Variants in ZSWIM4 observed in about 807,000 individuals in gnomAD.
ZSWIM4 encodes the protein zinc finger SWIM domain-containing protein 4.
Under a neutral mutation model 102.5 loss-of-function variants are expected in ZSWIM4, and 62 were observed. That is an observed-to-expected ratio of 0.60 (90% CI 0.49 to 0.75). The LOEUF (loss-of-function observed/expected upper bound fraction) is 0.75. Ranked by LOEUF, ZSWIM4 falls within the 30% of genes least tolerant of loss-of-function variation. ZSWIM4 has a pLI of 0.00. For synonymous variants in ZSWIM4, 652 were observed against 674.5 expected, an observed-to-expected ratio of 0.97 and a Z score of 0.52; for missense variants, 1,280 against 1,529.6, an observed-to-expected ratio of 0.84 and a Z score of 2.72.
chr19:13,820,896 T>G (rs979755572), intron 10 of ZSWIM4, among the ~76,000 whole-genome samples: 14 of 151,226 alleles, frequency 9.3e-5, no homozygotes, highest in African/African-American at 3.4e-4. Context: ...CTGATAGACA[T>G]TTACGCAATT....
intron 9 of ZSWIM4, 53 bp from the exon 10 acceptor site, chr19:13,819,304 G>T: frequency 6.2e-7 from 1 of 1,605,052 alleles, no homozygotes; most frequent in Non-Finnish European, 8.5e-7. Flanking sequence ...GAGACCTGGG[G>T]AAGGGCAGAG....
chr19:13,823,526 CT>C (rs1440754543), intron 11 of ZSWIM4, 26 bp downstream of exon 11: 7 of 1,550,852 alleles, frequency 4.5e-6, no homozygotes, highest in Non-Finnish European at 6.1e-6. Context: ...GTCCCGATTC[CT>C]TTGTCTTCCT....
intron 7 of ZSWIM4, among the ~76,000 whole-genome samples, chr19:13,816,661 G>A (rs1975297063): frequency 6.6e-6 from 1 of 152,188 alleles, no homozygotes; most frequent in South Asian, 2.1e-4. Context: ...AAAAGGATGT[G>A]CAGGAGTTAC....
chr19:13,817,203 T>G lies in ZSWIM4; in HGVS notation c.1532-13T>G. 6.2e-7 allele frequency: 1 copy of G among 1,605,314 alleles called. No individual in the cohort carries two copies. Among genetic ancestry groups the G allele is most frequent in the Non-Finnish European group, 8.5e-7 (1 of 1,173,778 alleles). On this transcript the variant is annotated splice_polypyrimidine_tract_variant and intron_variant, in intron 7 of 13. Transcript: ENST00000590508. ...AGGTGTGTGGGCATTGAGCCCCCTC[T>G]TTCCACCTGCAGAGCTGCTCCAGAA...
In ZSWIM4 at chr19:13,813,031, C is replaced by G; in HGVS notation, c.1047C>G (p.His349Gln). The G allele has an allele frequency of 6.2e-7, 1 of 1,613,808 alleles. No homozygotes were observed. Among genetic ancestry groups the G allele is most frequent in the South Asian group, 1.1e-5 (1 of 91,062 alleles). ...GGGTTTGCGTCGTCCTGAGCCCCCA[C>G]TGCAAACCAGAGGAAAGGGCAGGCT... is the stretch of plus-strand genomic sequence containing the variant. ...ALWVCVVLSP[H>Q]CKPEERAGWL... Residue 349 changes from histidine (H) to glutamine (Q), a missense_variant, in exon 6 of 14, where the codon CAC becomes CAG. By Grantham distance (24) the His-to-Gln change is conservative. Coordinates refer to ENST00000590508, the MANE Select transcript of ZSWIM4 (RefSeq NM_001367834.3).
chr19:13,815,142 A>G (rs995228051), intron 7 of ZSWIM4: 8 of 158,050 alleles, frequency 5.1e-5, no homozygotes, highest in Non-Finnish European at 8.4e-5. Context: ...AGCCTGGGTG[A>G]CAGAGCAAGA....
chr19:13,818,866 C>CTA (rs1975378329), intron 9 of ZSWIM4, among the ~76,000 whole-genome samples: 1 of 118,258 alleles, frequency 8.5e-6, no homozygotes, highest in African/African-American at 4.0e-5. Context: ...CCCCTGCCTC[C>CTA]TCTTTTTTTT....
chr19:13,802,278 AT>A (rs201793669), intron 2 of ZSWIM4, among the ~76,000 whole-genome samples: 102 of 145,044 alleles, frequency 7.0e-4, no homozygotes, highest in Non-Finnish European at 8.0e-4. Flanking sequence ...GCCTGGCCAA[AT>A]TTTTTTTTTT....
rs767209778 is a variant in ZSWIM4, at chr19:13,830,510, C to G, written c.2781C>G (p.Arg927=). Residue 927 remains arginine, a synonymous_variant, in exon 14 of 14, where the codon CGC becomes CGG. Transcript: ENST00000590508. Reference sequence around the variant, plus strand: ...ACGCCCACCTCTTCACTGTGGCCCGCTATATGGAGCACCGCGGGCTGCCGC... The same window carrying G: ...ACGCCCACCTCTTCACTGTGGCCCGGTATATGGAGCACCGCGGGCTGCCGC... ...LGHAHLFTVA[R]YMEHRGLPLR... 2.5e-6 allele frequency: 4 copies of G among 1,600,136 alleles called. No individual in the cohort carries two copies. The East Asian group carries it at 8.9e-5, about 36-fold the overall frequency.
Position 13,831,080 on chromosome 19 carries a change from C to G in ZSWIM4, c.*30C>G, listed in dbSNP as rs748085568. On this transcript the variant is annotated 3_prime_UTR_variant, in exon 14 of 14. Coordinates refer to ENST00000590508, the MANE Select transcript of ZSWIM4 (RefSeq NM_001367834.3). ...CAGTGGGGTGCGTGGGAGTGGGGAT[C>G]CCCCTCGCCCCTGCGTCCCCCACCC... 5 of 1,527,502 alleles carry G rather than the reference C, an allele frequency of 3.3e-6. No individual in the cohort carries two copies. Among genetic ancestry groups the G allele is most frequent in the South Asian group, 1.3e-5 (1 of 79,086 alleles). The allele number at this position is 1,527,502 out of a possible 1,614,324, so 94.6% of individuals were successfully genotyped here.
At chr19:13,824,805 C>T (rs2145368700) in intron 11 of ZSWIM4, among the ~76,000 whole-genome samples, 1 of 151,628 alleles carries the variant, frequency 6.6e-6, no homozygotes, top group South Asian at 2.1e-4. Flanking sequence ...AGCTCCTTGC[C>T]ATGTTAAGGC....
rs1009236049 is a variant in ZSWIM4 at position 13,817,196 on chromosome 19, C to G, written c.1532-20C>G. 1.7e-5 allele frequency: 28 copies of G among 1,600,978 alleles called. No homozygotes were observed. Among genetic ancestry groups the G allele is most frequent in the Non-Finnish European group, 2.3e-5 (27 of 1,170,990 alleles). On this transcript the variant is annotated intron_variant, in intron 7 of 13. Transcript: ENST00000590508. ...CTTGGGCAGGTGTGTGGGCATTGAG[C>G]CCCCTCTTTCCACCTGCAGAGCTGC...
rs1244284511 is a variant in ZSWIM4, at chr19:13,825,189, G to A, written c.2216-361G>A. 2.0e-5 allele frequency among the ~76,000 whole-genome samples: 3 copies of A among 151,896 alleles called. No homozygotes were observed. The highest frequency in any genetic ancestry group is 2.9e-5 in the Non-Finnish European group (2 of 67,974). ...CAAGTAGCTGGGATTACAGGCACCCGCCACCATGCCCAGCTAATTTTTGTA... is the reference window on the plus strand; with the variant it reads ...CAAGTAGCTGGGATTACAGGCACCCACCACCATGCCCAGCTAATTTTTGTA... On this transcript the variant is annotated intron_variant, in intron 11 of 13. Transcript: ENST00000590508. The surrounding 1 kb of genome is among the most constrained non-coding windows in gnomAD (Gnocchi z 4.6).
At chr19:13,824,569 TA>T (rs1037917199) in intron 11 of ZSWIM4, among the ~76,000 whole-genome samples, 9 of 151,888 alleles carry the variant, frequency 5.9e-5, no homozygotes, top group African/African-American at 2.2e-4. Flanking sequence ...CTGTGTCTAC[TA>T]AAAATATGAA....
rs199890816 is a variant in ZSWIM4 at position 13,823,336 on chromosome 19, C to T, written c.2061-10C>T. The T allele has an allele frequency of 5.2e-4, 834 of 1,611,440 alleles. 1 individual carries two copies. Among genetic ancestry groups the T allele is most frequent in the Non-Finnish European group, 6.8e-4 (804 of 1,178,374 alleles). On this transcript the variant is annotated splice_polypyrimidine_tract_variant and intron_variant, in intron 10 of 13. Transcript: ENST00000590508. ...CCTCCTCACCATGGCTCACTTCTCC[C>T]CTTACCCAGGCTGCCCATACTGGAG...
Position 13,800,244 on chromosome 19 carries a change from CTTTTTTTTTTTTTTTTTTTT to C in ZSWIM4, c.355+343_355+362del, listed in dbSNP as rs750229248. On this transcript the variant is annotated intron_variant, in intron 2 of 13. Transcript: ENST00000590508. ...CGCGCCCAGCTAATTTTTTGTATTT[CTTTTTTTTTTTTTTTTTTTT>C]TTTTTTTTTTTTTTTTTTTGAGACG... 8.8e-3 allele frequency among the ~76,000 whole-genome samples: 242 copies of C among 27,498 alleles called. 2 individuals are homozygous for C. Among genetic ancestry groups the C allele is most frequent in the African/African-American group, 0.023 (219 of 9,520 alleles). 18.0% of individuals were successfully genotyped at this position (27,498 alleles called of 152,430 possible).
At chr19:13,823,237 G>T in intron 10 of ZSWIM4, 109 bp from the exon 11 acceptor site, 1 of 1,164,718 alleles carries the variant, frequency 8.6e-7, no homozygotes. Context: ...GGGCTCTCAG[G>T]GCTCTGCTGG....
At chr19:13,821,421 C>T (rs1468021275) in intron 10 of ZSWIM4, among the ~76,000 whole-genome samples, 1 of 152,126 alleles carries the variant, frequency 6.6e-6, no homozygotes, top group Non-Finnish European at 1.5e-5. Flanking sequence ...ATGGTCCTAG[C>T]TACTTGGGAG....
Position 13,813,025 on chromosome 19 carries a change from C to T in ZSWIM4, c.1041C>T (p.Ser347=), listed in dbSNP as rs1192742694. The T allele has an allele frequency of 1.2e-6, 2 of 1,613,240 alleles. No homozygotes were observed. The highest frequency in any genetic ancestry group is 1.1e-5 in the South Asian group (1 of 91,006). Residue 347 remains serine (S), a synonymous_variant, in exon 6 of 14, where the codon AGC becomes AGT. Transcript: ENST00000590508. ...CCCTGTGGGTTTGCGTCGTCCTGAG[C>T]CCCCACTGCAAACCAGAGGAAAGGG... The part of the protein sequence containing the change: ...LGALWVCVVL[S]PHCKPEERAG...
Sources: allele counts gnomAD v4.1 joint callset (sites outside exome capture counted in the v4.1 genomes callset), GRCh38; gene constraint gnomAD v4.1.1; non-coding constraint Gnocchi (gnomAD v3.1); transcripts MANE v1.5; gene names NCBI Gene and HGNC (gene_info 2026-07-23, HGNC 2026-07-21).